The following FARS2 variants were observed in gnomAD, a reference collection of about 807,000 sequenced individuals.
FARS2 encodes phenylalanyl-tRNA synthetase 2, mitochondrial.
In FARS2, 40 loss-of-function variants were observed where a neutral mutation model predicts 46.4. That is an observed-to-expected ratio of 0.86 (90% confidence interval 0.67 to 1.12). The LOEUF (loss-of-function observed/expected upper bound fraction) is 1.12, where lower values mean the gene tolerates loss of function less well. Ranked by LOEUF, FARS2 falls within the 50% of genes most tolerant of loss-of-function variation. The probability of loss-of-function intolerance (pLI) is 0.00; values close to 1 mark genes in which losing one functional copy is unlikely to be tolerated. For synonymous variants in FARS2, 234 were observed against 214.9 expected (o/e 1.09, Z -0.78); for missense variants, 513 against 567.9 (o/e 0.90, Z 0.98).
intron 6 of FARS2, among the ~76,000 whole-genome samples, chr6:5,707,571 G>A (rs1051866313): frequency 2.0e-5 from 3 of 152,184 alleles, no homozygotes; most frequent in South Asian, 2.1e-4. Context: ...TTAGGACTCC[G>A]GGCAGCATCA....
intron 5 of FARS2, among the ~76,000 whole-genome samples, chr6:5,569,902 G>A (rs1772541664): frequency 6.6e-6 from 1 of 152,182 alleles, no homozygotes. Context: ...CAGAAAAGAG[G>A]ACTGCATTAA....
chr6:5,385,382 T>A (rs1760048201), intron 2 of FARS2, among the ~76,000 whole-genome samples: 1 of 152,100 alleles, frequency 6.6e-6, no homozygotes, highest in Non-Finnish European at 1.5e-5. Flanking sequence ...CTTGCTGCAT[T>A]TGGGGGAGAT....
chr6:5,299,514 G>A (rs760573789), intron 1 of FARS2, among the ~76,000 whole-genome samples: 10 of 152,106 alleles, frequency 6.6e-5, no homozygotes, highest in Admixed American at 3.9e-4. Flanking sequence ...AAGCTTATTC[G>A]GTTGAAAGTT....
At chr6:5,754,695 T>TAATTGA (rs1312329270) in intron 6 of FARS2, among the ~76,000 whole-genome samples, 1 of 152,382 alleles carries the variant, frequency 6.6e-6, no homozygotes, top group Non-Finnish European at 1.5e-5. Flanking sequence ...TAGCTGGGTA[T>TAATTGA]AATTGATGTA....
intron 5 of FARS2, among the ~76,000 whole-genome samples, chr6:5,553,347 G>C (rs555583742): frequency 6.6e-6 from 1 of 152,204 alleles, no homozygotes; most frequent in South Asian, 2.1e-4. Context: ...ACTTACTTCA[G>C]CCTTACTCTG....
chr6:5,270,467 A>G (rs1052842930), intron 1 of FARS2, among the ~76,000 whole-genome samples: 87 of 152,348 alleles, frequency 5.7e-4, no homozygotes, highest in African/African-American at 2.0e-3. Flanking sequence ...GTGGTTCGCT[A>G]GAGCTGTCAA....
At chr6:5,485,130 C>A (rs1766699060) in intron 4 of FARS2, among the ~76,000 whole-genome samples, 1 of 152,078 alleles carries the variant, frequency 6.6e-6, no homozygotes, top group South Asian at 2.1e-4. Flanking sequence ...GGTACATGCA[C>A]CATTTTTTTC....
At chr6:5,399,234 G>T (rs143959520) in intron 2 of FARS2, among the ~76,000 whole-genome samples, 1 of 150,068 alleles carries the variant, frequency 6.7e-6, no homozygotes, top group South Asian at 2.1e-4. Flanking sequence ...GAGTACAGTG[G>T]CATGATGTAG....
At chr6:5,402,562 A>G (rs1761322703) in intron 2 of FARS2, among the ~76,000 whole-genome samples, 1 of 152,102 alleles carries the variant, frequency 6.6e-6, no homozygotes, top group Admixed American at 6.5e-5. Context: ...TAGTGTAGCA[A>G]TGCACACTTT....
intron 6 of FARS2, among the ~76,000 whole-genome samples, chr6:5,653,381 A>G (rs1777459577): frequency 6.6e-6 from 1 of 152,234 alleles, no homozygotes; most frequent in African/African-American, 2.4e-5. Flanking sequence ...CTCCAAAAAG[A>G]ATTGAAGAAA....
chr6:5,711,057 A>G (rs73362290), intron 6 of FARS2, among the ~76,000 whole-genome samples: 2,082 of 152,338 alleles, frequency 0.014, 41 homozygotes, highest in African/African-American at 0.046. Context: ...TAGTTAATGC[A>G]GTAATAATAT....
At chr6:5,769,847 A>G (rs1045202787) in intron 6 of FARS2, among the ~76,000 whole-genome samples, 2 of 152,196 alleles carry the variant, frequency 1.3e-5, no homozygotes, top group Non-Finnish European at 1.5e-5. Flanking sequence ...CAAAATGCAC[A>G]TAACCCTGTG....
chr6:5,284,593 T>C (rs1766982299), intron 1 of FARS2, among the ~76,000 whole-genome samples: 1 of 152,344 alleles, frequency 6.6e-6, no homozygotes, highest in Admixed American at 6.5e-5. Flanking sequence ...TTATATGTTA[T>C]TTATCACTGG....
At chr6:5,640,783 G>A (rs1374121097) in intron 6 of FARS2, among the ~76,000 whole-genome samples, 1 of 152,208 alleles carries the variant, frequency 6.6e-6, no homozygotes, top group Admixed American at 6.5e-5. Context: ...TGCTATTTCT[G>A]TAAACTAATG....
At chr6:5,711,423 C>T (rs1759156465) in intron 6 of FARS2, among the ~76,000 whole-genome samples, 1 of 152,150 alleles carries the variant, frequency 6.6e-6, no homozygotes, top group Admixed American at 6.5e-5. Context: ...TACATAAAGG[C>T]TTCCTTCCAG....
intron 2 of FARS2, among the ~76,000 whole-genome samples, chr6:5,378,705 C>T (rs1030452841): frequency 3.9e-5 from 6 of 152,140 alleles, no homozygotes; most frequent in Non-Finnish European, 7.3e-5. Context: ...GATTATAGTC[C>T]CCATGTTTCC....
At chr6:5,716,657 GC>G (rs1259299044) in intron 6 of FARS2, among the ~76,000 whole-genome samples, 1 of 152,220 alleles carries the variant, frequency 6.6e-6, no homozygotes, top group Non-Finnish European at 1.5e-5. Context: ...ACAAGCCTCA[GC>G]TGGCTGTAAT....
chr6:5,707,345 G>A (rs1758823878), intron 6 of FARS2, among the ~76,000 whole-genome samples: 1 of 152,172 alleles, frequency 6.6e-6, no homozygotes, highest in Non-Finnish European at 1.5e-5. Flanking sequence ...TGGTACCAGG[G>A]CCTTTCACAA....
intron 2 of FARS2, among the ~76,000 whole-genome samples, chr6:5,399,124 TA>T (rs1761075377): frequency 7.8e-6 from 1 of 128,276 alleles, no homozygotes; most frequent in Non-Finnish European, 1.6e-5. Context: ...GATTTTATAT[TA>T]TTTTATTATT....
Sources: allele counts gnomAD v4.1 joint callset (sites outside exome capture counted in the v4.1 genomes callset), GRCh38; gene constraint gnomAD v4.1.1; transcripts MANE v1.5; gene names NCBI Gene and HGNC (gene_info 2026-07-23, HGNC 2026-07-21).